The following SLC15A1 variants were observed in gnomAD, a reference collection of about 807,000 sequenced individuals.
The protein encoded by SLC15A1 is solute carrier family 15 member 1, also known as Caco-2 oligopeptide transporter.
Under a neutral mutation model 92.9 loss-of-function variants are expected in SLC15A1, and 83 were observed. The observed-to-expected ratio is 0.89, with a 90% CI of 0.75 to 1.07. SLC15A1 has a LOEUF of 1.07. Ranked by LOEUF, SLC15A1 falls within the 50% of genes least tolerant of loss-of-function variation. The pLI is 0.00. For missense variants in SLC15A1, 857 were observed against 880.1 expected, an observed-to-expected ratio of 0.97 and a Z score of 0.33; for synonymous variants, 322 against 318.2, an observed-to-expected ratio of 1.01 and a Z score of -0.13.
At chr13:98,718,344 G>C (rs926491336) in intron 8 of SLC15A1, among the ~76,000 whole-genome samples, 1 of 106,052 alleles carries the variant, frequency 9.4e-6, no homozygotes, top group Non-Finnish European at 1.7e-5. Flanking sequence ...TTTTGAGACA[G>C]GGTCTTGCTC....
intron 1 of SLC15A1, among the ~76,000 whole-genome samples, chr13:98,731,306 T>G (rs535830221): frequency 6.6e-6 from 1 of 152,300 alleles, no homozygotes; most frequent in Admixed American, 6.5e-5. Context: ...AGCGCCAGTG[T>G]CCGGCGAATA....
intron 1 of SLC15A1, among the ~76,000 whole-genome samples, chr13:98,736,029 G>T (rs1299082874): frequency 6.6e-6 from 1 of 152,112 alleles, no homozygotes. Flanking sequence ...AGCCCTCTTT[G>T]CCAAGACAAT....
At chr13:98,694,464 T>C (rs1307176323) in intron 18 of SLC15A1, among the ~76,000 whole-genome samples, 1 of 152,222 alleles carries the variant, frequency 6.6e-6, no homozygotes, top group Non-Finnish European at 1.5e-5. Flanking sequence ...TTTGATGCAG[T>C]TTATATATAT....
chr13:98,702,503 T>C lies in SLC15A1; in HGVS notation c.1443A>G (p.Pro481=), dbSNP rs200493343. Residue 481 remains proline (P), a synonymous_variant, in exon 18 of 23, where the codon CCA becomes CCG. Transcript: ENST00000376503. ...QVVKDGLNQK[P]EKGENGIRFV... Reference sequence around the variant, plus strand: ...ACCTGATTCCATTTTCCCCTTTTTCTGGCTTCTGGTTAAGACCATCCTTTA... The same window carrying C: ...ACCTGATTCCATTTTCCCCTTTTTCCGGCTTCTGGTTAAGACCATCCTTTA... 10 of 1,609,196 alleles carry C rather than the reference T, an allele frequency of 6.2e-6. No individual in the cohort carries two copies. Among genetic ancestry groups the C allele is most frequent in the Admixed American group, 1.7e-5 (1 of 59,996 alleles).
At chr13:98,720,931 T>A (rs2088252278) in intron 7 of SLC15A1, 3 of 352,696 alleles carry the variant, frequency 8.5e-6, no homozygotes, top group South Asian at 6.7e-5. Context: ...AGGCGCCTGT[T>A]GTCCCAGCTA....
chr13:98,752,506 C>T, intron 1 of SLC15A1, 89 bp downstream of exon 1: 1 of 1,187,626 alleles, frequency 8.4e-7, no homozygotes. Context: ...CGCCGCGTAC[C>T]CTTCGCGCCT....
At chr13:98,723,751 G>C (rs2088277324) in intron 5 of SLC15A1, among the ~76,000 whole-genome samples, 161 bp downstream of exon 5, 1 of 152,194 alleles carries the variant, frequency 6.6e-6, no homozygotes, top group Non-Finnish European at 1.5e-5. Context: ...ACATCCTGAA[G>C]ACCCAGCTCA....
rs1195288985 is a variant in SLC15A1 at position 98,711,957 on chromosome 13, GGGGAA to G, written c.811-19_811-15del. 1 of 1,600,780 alleles carries G rather than the reference GGGGAA, an allele frequency of 6.2e-7. No homozygotes were observed. The highest frequency in any genetic ancestry group is 8.5e-7 in the Non-Finnish European group (1 of 1,169,736). ...GATGAGCCGCTCCTGTAGTTGGAGT[GGGGAA>G]GGGACAAATCAGCCACACCCTGTGT... On this transcript the variant is annotated splice_polypyrimidine_tract_variant and intron_variant, in intron 10 of 22. Coordinates refer to ENST00000376503, the MANE Select transcript of SLC15A1 (RefSeq NM_005073.4).
intron 14 of SLC15A1, among the ~76,000 whole-genome samples, chr13:98,709,249 G>A (rs549416862): frequency 4.1e-5 from 6 of 147,844 alleles, no homozygotes; most frequent in South Asian, 2.1e-4. Context: ...AATTACAGGC[G>A]TGAGCCACTG....
chr13:98,752,626 C>T lies in SLC15A1; in HGVS notation c.-28G>A, dbSNP rs1272495633. The T allele has an allele frequency of 5.6e-6, 7 of 1,252,708 alleles. No homozygotes were observed. Among genetic ancestry groups the T allele is most frequent in the Non-Finnish European group, 7.0e-6 (7 of 998,330 alleles). 77.6% of individuals were successfully genotyped at this position (1,252,708 alleles called of 1,614,324 possible). ...CGGCGGCTCCCAGGGCTCCTGCGAC[C>T]TGCCGGCGGGACGTGCTCCTGGCAG... On this transcript the variant is annotated 5_prime_UTR_variant, in exon 1 of 23. Coordinates refer to ENST00000376503, the MANE Select transcript of SLC15A1 (RefSeq NM_005073.4).
At chr13:98,706,888 A>G (rs531127417) in intron 15 of SLC15A1, among the ~76,000 whole-genome samples, 3 of 152,158 alleles carry the variant, frequency 2.0e-5, no homozygotes, top group Admixed American at 6.5e-5. Context: ...ACGAAGCCAA[A>G]TATCTGATGG....
chr13:98,748,924 C>T (rs529925684), intron 1 of SLC15A1, among the ~76,000 whole-genome samples: 1 of 152,342 alleles, frequency 6.6e-6, no homozygotes, highest in East Asian at 1.9e-4. Context: ...CAGCGAGCCC[C>T]ACTGCTGGAA....
In SLC15A1 at chr13:98,733,866, G is replaced by A. The variant is rs1474030333; in HGVS notation, c.5-7007C>T. The stretch of plus-strand genomic sequence containing the variant: ...AAATGTAATCCCCAAAGCTGGAGGT[G>A]GGGCCTGGTGGGAGGTGATTGAATC... On this transcript the variant is annotated intron_variant, in intron 1 of 22. Transcript: ENST00000376503. Among the ~76,000 whole-genome samples, 5 of 152,210 alleles carry A rather than the reference G, an allele frequency of 3.3e-5. No individual in the cohort carries two copies. The East Asian group carries it at 5.8e-4, about 18-fold the overall frequency.
intron 1 of SLC15A1, among the ~76,000 whole-genome samples, chr13:98,735,800 C>T (rs1290558595): frequency 1.3e-5 from 2 of 152,160 alleles, no homozygotes; most frequent in East Asian, 1.9e-4. Flanking sequence ...TAAAGGACCT[C>T]TTTAAGGAGA....
chr13:98,727,888 T>A (rs1422481210), intron 1 of SLC15A1, among the ~76,000 whole-genome samples: 1 of 152,186 alleles, frequency 6.6e-6, no homozygotes, highest in African/African-American at 2.4e-5. Context: ...CCATTAGGAA[T>A]CTAGGAATCG....
At chr13:98,741,478 G>A (rs111461173) in intron 1 of SLC15A1, among the ~76,000 whole-genome samples, 1 of 152,110 alleles carries the variant, frequency 6.6e-6, no homozygotes, top group African/African-American at 2.4e-5. Context: ...CTACACTCCT[G>A]CAATCCCAGT....
intron 18 of SLC15A1, among the ~76,000 whole-genome samples, chr13:98,691,402 G>A (rs1023111934): frequency 6.6e-6 from 1 of 152,194 alleles, no homozygotes; most frequent in African/African-American, 2.4e-5. Flanking sequence ...TCAGCTGATG[G>A]ACATTGGATT....
Position 98,702,050 on chromosome 13 carries a change from A to G in SLC15A1, c.1466+430T>C, listed in dbSNP as rs551054846. On this transcript the variant is annotated intron_variant, in intron 18 of 22. Coordinates refer to ENST00000376503, the MANE Select transcript of SLC15A1 (RefSeq NM_005073.4). The stretch of plus-strand genomic sequence containing the variant: ...TTTTTCTTGTGTCTTTGCTCTTGCA[A>G]CCAGAGGATGTTTAATAGAAGTGCG... Among the ~76,000 whole-genome samples, 3 of 152,182 alleles carry G rather than the reference A, an allele frequency of 2.0e-5. No individual in the cohort carries two copies. The South Asian group carries it at 6.2e-4, about 32-fold the overall frequency.
rs188806811 is a variant in SLC15A1, at chr13:98,699,733, G to A, written c.1466+2747C>T. ...TACAGCATCTTGTCCTCCAACCAGCGATGCAGGGGAGTTCCAGGTGCCCCA... is the reference window on the plus strand; with the variant it reads ...TACAGCATCTTGTCCTCCAACCAGCAATGCAGGGGAGTTCCAGGTGCCCCA... On this transcript the variant is annotated intron_variant, in intron 18 of 22. Transcript: ENST00000376503. Among the ~76,000 whole-genome samples the A allele has an allele frequency of 1.7e-3, 255 of 152,276 alleles. 1 individual carries two copies. The highest frequency in any genetic ancestry group is 3.4e-3 in the Middle Eastern group (1 of 294).
Sources: gnomAD v4.1 joint callset for allele counts (sites outside exome capture counted in the v4.1 genomes callset) on GRCh38, gnomAD v4.1.1 for gene constraint, MANE v1.5 for transcripts, NCBI Gene and HGNC (gene_info 2026-07-23, HGNC 2026-07-21) for gene names.